The following MAN1A1 variants were observed in gnomAD, a reference collection of about 807,000 sequenced individuals.
The protein encoded by MAN1A1 is mannosidase alpha class 1A member 1.
In MAN1A1, 29 loss-of-function variants were observed where a neutral mutation model predicts 70.8. The ratio of observed to expected loss-of-function variants is 0.41; its 90% CI spans 0.31 to 0.56. MAN1A1 has a LOEUF of 0.56. Among genes scored for constraint, MAN1A1 ranks in the 20% least tolerant of loss-of-function variants. The probability of loss-of-function intolerance (pLI) is 0.29; values close to 1 mark genes in which losing one functional copy is unlikely to be tolerated. For missense variants in MAN1A1, 747 were observed against 841.3 expected (o/e 0.89, Z 1.39); for synonymous variants, 349 against 330.1 (o/e 1.06, Z -0.62).
At chr6:119,336,601 T>C (rs1773457888) in intron 2 of MAN1A1, among the ~76,000 whole-genome samples, 1 of 152,226 alleles carries the variant, frequency 6.6e-6, no homozygotes. Flanking sequence ...ACAGCACTTT[T>C]CAGGAGAAAC....
chr6:119,299,405 TAAAG>T (rs1202547180), intron 4 of MAN1A1, among the ~76,000 whole-genome samples: 2 of 152,060 alleles, frequency 1.3e-5, no homozygotes, highest in Non-Finnish European at 2.9e-5. Flanking sequence ...AATAGTATAA[TAAAG>T]ACATTTGAGA....
chr6:119,205,316 G>T (rs1209630726), intron 6 of MAN1A1, among the ~76,000 whole-genome samples: 1 of 152,108 alleles, frequency 6.6e-6, no homozygotes, highest in Non-Finnish European at 1.5e-5. Flanking sequence ...AATTTTATGT[G>T]GATAGAAGAT....
chr6:119,184,910 A>G (rs755010608), intron 11 of MAN1A1, among the ~76,000 whole-genome samples: 2 of 152,024 alleles, frequency 1.3e-5, no homozygotes, highest in Non-Finnish European at 2.9e-5. Context: ...AAAATTTTCA[A>G]GAGAGTCTCG....
At chr6:119,199,169 A>G (rs1307878624) in intron 8 of MAN1A1, among the ~76,000 whole-genome samples, 6 of 152,216 alleles carry the variant, frequency 3.9e-5, no homozygotes, top group Non-Finnish European at 8.8e-5. Context: ...CAGGAAAAGT[A>G]TTTGTGTCAA....
At chr6:119,236,093 C>T (rs1774836160) in intron 6 of MAN1A1, among the ~76,000 whole-genome samples, 1 of 149,672 alleles carries the variant, frequency 6.7e-6, no homozygotes, top group African/African-American at 2.5e-5. Context: ...TGAGGTTGTA[C>T]CACTGCACTC....
intron 4 of MAN1A1, among the ~76,000 whole-genome samples, chr6:119,301,251 CTTAGTA>C (rs1029606784): frequency 6.6e-5 from 10 of 152,150 alleles, no homozygotes; most frequent in African/African-American, 2.4e-4. Context: ...GCTTTCTTCT[CTTAGTA>C]TAAGTTCTTT....
At chr6:119,223,443 C>G (rs1405878613) in intron 6 of MAN1A1, among the ~76,000 whole-genome samples, 1 of 152,050 alleles carries the variant, frequency 6.6e-6, no homozygotes, top group Non-Finnish European at 1.5e-5. Context: ...ATAGGTGGCA[C>G]TGAAAACTGG....
intron 5 of MAN1A1, among the ~76,000 whole-genome samples, chr6:119,258,748 G>A (rs1394163413): frequency 6.6e-6 from 1 of 152,116 alleles, no homozygotes; most frequent in Admixed American, 6.5e-5. Flanking sequence ...ATTTATATAA[G>A]TTTTAAAGAC....
intron 5 of MAN1A1, among the ~76,000 whole-genome samples, chr6:119,276,301 CTTGT>C (rs1327894485): frequency 5.3e-5 from 8 of 151,870 alleles, no homozygotes; most frequent in East Asian, 1.9e-4. Context: ...ATCCTGTGAA[CTTGT>C]TTAACATTTT....
chr6:119,298,373 C>T (rs537697371), intron 4 of MAN1A1, among the ~76,000 whole-genome samples: 1 of 152,154 alleles, frequency 6.6e-6, no homozygotes, highest in East Asian at 1.9e-4. Context: ...TTCCTATGCC[C>T]TAATGAAAAG....
intron 2 of MAN1A1, among the ~76,000 whole-genome samples, chr6:119,323,566 T>A (rs1401999087): frequency 6.6e-6 from 1 of 152,208 alleles, no homozygotes. Context: ...CTTGTGATTT[T>A]CAGTTTCTCC....
chr6:119,279,532 ATGTTTC>A (rs1776171140), intron 5 of MAN1A1, among the ~76,000 whole-genome samples: 1 of 152,176 alleles, frequency 6.6e-6, no homozygotes, highest in African/African-American at 2.4e-5. Context: ...AACCTCTACC[ATGTTTC>A]TGTACTCAAC....
intron 2 of MAN1A1, among the ~76,000 whole-genome samples, chr6:119,326,936 T>A (rs1390897600): frequency 6.6e-6 from 1 of 152,182 alleles, no homozygotes; most frequent in Non-Finnish European, 1.5e-5. Flanking sequence ...CAAGTGACTG[T>A]GCTTGACTTC....
At chr6:119,230,933 T>C (rs1774658793) in intron 6 of MAN1A1, among the ~76,000 whole-genome samples, 1 of 152,170 alleles carries the variant, frequency 6.6e-6, no homozygotes, top group Admixed American at 6.5e-5. Context: ...AAGGAGGTGG[T>C]GATTACTTTT....
intron 6 of MAN1A1, among the ~76,000 whole-genome samples, chr6:119,211,197 C>T (rs1007317891): frequency 2.6e-5 from 4 of 152,212 alleles, no homozygotes; most frequent in African/African-American, 4.8e-5. Context: ...AAGACACTAA[C>T]ACCATAGTGA....
chr6:119,329,466 C>A (rs1582809372), intron 2 of MAN1A1, among the ~76,000 whole-genome samples: 1 of 151,536 alleles, frequency 6.6e-6, no homozygotes, highest in East Asian at 1.9e-4. Flanking sequence ...CCCCCCCCCA[C>A]CCACTGACTC....
intron 2 of MAN1A1, among the ~76,000 whole-genome samples, chr6:119,340,047 C>G (rs947132050): frequency 6.6e-6 from 1 of 152,154 alleles, no homozygotes; most frequent in Non-Finnish European, 1.5e-5. Context: ...GACAAGATTG[C>G]ACCACTGCAC....
intron 4 of MAN1A1, among the ~76,000 whole-genome samples, chr6:119,297,648 T>C (rs1362126762): frequency 6.6e-6 from 1 of 152,022 alleles, no homozygotes; most frequent in South Asian, 2.1e-4. Context: ...CTCTGTATGC[T>C]TGTCACAAAG....
intron 2 of MAN1A1, among the ~76,000 whole-genome samples, chr6:119,336,010 T>C (rs6932241): frequency 0.33 from 49,799 of 152,056 alleles, 8,667 homozygotes; most frequent in Non-Finnish European, 0.37. Context: ...ATGCTAAAAA[T>C]GCAAATTCTG....
Sources: allele counts gnomAD v4.1 joint callset (sites outside exome capture counted in the v4.1 genomes callset), GRCh38; gene constraint gnomAD v4.1.1; transcripts MANE v1.5; gene names NCBI Gene and HGNC (gene_info 2026-07-23, HGNC 2026-07-21).